The following ABCA9 variants were observed in gnomAD, a reference collection of about 807,000 sequenced individuals.
ABCA9 encodes the protein ATP-binding cassette sub-family A member 9.
ABCA9 carries 183 observed loss-of-function variants against 205.3 expected under a neutral mutation model. The observed-to-expected ratio is 0.89, with a 90% CI of 0.79 to 1.01. ABCA9 has a LOEUF of 1.01. Among genes scored for constraint, ABCA9 ranks in the 50% least tolerant of loss-of-function variants. ABCA9 has a pLI of 0.00. For missense variants in ABCA9, 1,805 were observed against 1,912.4 expected, an observed-to-expected ratio of 0.94 and a Z score of 1.05; for synonymous variants, 651 against 683.3, an observed-to-expected ratio of 0.95 and a Z score of 0.74.
chr17:69,070,763 G>A, the ABCA9 span, among the ~76,000 whole-genome samples: 4 of 152,120 alleles, frequency 2.6e-5, no homozygotes, highest in Non-Finnish European at 5.9e-5. Context: ...CCTGGAAAGG[G>A]GGCTGAAGCC....
At chr17:68,996,116 A>G (rs2069615648) in intron 25 of ABCA9, 102 bp from the exon 26 acceptor site, 3 of 1,255,700 alleles carry the variant, frequency 2.4e-6, no homozygotes, top group Non-Finnish European at 3.3e-6. Flanking sequence ...TGTTATTTTC[A>G]ATTTCACTCC....
In ABCA9 at chr17:68,975,049, TG is replaced by T. The variant is rs1428333676; in HGVS notation, c.*865del. 6.6e-6 allele frequency: 1 copy of T among 151,910 alleles called. No homozygotes were observed. The highest frequency in any genetic ancestry group is 1.5e-5 in the Non-Finnish European group (1 of 67,972). 9.4% of individuals were successfully genotyped at this position (151,910 alleles called of 1,614,324 possible). On this transcript the variant is annotated 3_prime_UTR_variant, in exon 39 of 39. Transcript: ENST00000340001. ...CCCCAGGGTGTGGTGTTCCCCTCCC[TG>T]TGTCCATGTATTCTCATTGTTCAAT...
In ABCA9 at chr17:69,007,800, C is replaced by G. The variant is rs1372459946; in HGVS notation, c.3394G>C (p.Gly1132Arg). 1.9e-6 allele frequency: 3 copies of G among 1,610,268 alleles called. No homozygotes were observed. The highest frequency in any genetic ancestry group is 2.5e-6 in the Non-Finnish European group (3 of 1,177,084). The change falls in exon 25 of 39, where the codon GGG becomes CGG. Residue 1132 changes from glycine to arginine, a missense_variant. Gly to Arg is a moderately radical substitution (Grantham distance 125, BLOSUM62 -2). Coordinates refer to ENST00000340001, the MANE Select transcript of ABCA9 (RefSeq NM_080283.4). Reference protein sequence around the residue: ...TYVISFIFRNGRKNSGIWSFF... With the variant: ...TYVISFIFRNRRKNSGIWSFF... ...GACCAAATGCCACTATTTTTTCTCC[C>G]ATTGCGAAAAATGAATGAAATCACA... is the stretch of plus-strand genomic sequence containing the variant.
chr17:69,016,170 T>A (rs550670854), intron 22 of ABCA9, 83 bp downstream of exon 22: 2 of 1,023,792 alleles, frequency 2.0e-6, no homozygotes. Flanking sequence ...TCACAAAAAG[T>A]AATATAACAT....
At chr17:69,028,874 A>C (rs905909652) in intron 11 of ABCA9, among the ~76,000 whole-genome samples, 1 of 152,248 alleles carries the variant, frequency 6.6e-6, no homozygotes, top group East Asian at 1.9e-4. Context: ...TTTGTCAATA[A>C]ATAGAGGCTA....
chr17:69,066,841 G>A, the ABCA9 span, among the ~76,000 whole-genome samples: 2 of 152,184 alleles, frequency 1.3e-5, no homozygotes. Flanking sequence ...GACATGTCAG[G>A]AACTCATAAG....
intron 22 of ABCA9, among the ~76,000 whole-genome samples, chr17:69,015,229 T>C (rs1187235225): frequency 6.6e-6 from 1 of 152,156 alleles, no homozygotes; most frequent in Non-Finnish European, 1.5e-5. Context: ...TCCATGCCCC[T>C]TAGGCCACAA....
At chr17:69,009,455 C>CT (rs775278475) in intron 23 of ABCA9, among the ~76,000 whole-genome samples, 88 of 152,210 alleles carry the variant, frequency 5.8e-4, no homozygotes, top group Admixed American at 2.0e-3. Context: ...GCCAGTGTGG[C>CT]TGGAGCATGG....
At chr17:68,985,879 C>T (rs571540482) in intron 32 of ABCA9, among the ~76,000 whole-genome samples, 4 of 152,004 alleles carry the variant, frequency 2.6e-5, no homozygotes, top group Admixed American at 6.6e-5. Flanking sequence ...ATCGCTTGAA[C>T]CCAAGAGGCG....
At chr17:69,054,526 C>CAA (rs751565245) in intron 1 of ABCA9, among the ~76,000 whole-genome samples, 2 of 77,396 alleles carry the variant, frequency 2.6e-5, no homozygotes, top group Admixed American at 1.5e-4. Context: ...GACCCTCTCT[C>CAA]AAAAAAAAAA....
chr17:69,006,451 G>A (rs1463162854), intron 25 of ABCA9, among the ~76,000 whole-genome samples: 1 of 152,210 alleles, frequency 6.6e-6, no homozygotes, highest in Non-Finnish European at 1.5e-5. Context: ...TTACAGCAAT[G>A]AAAAGGAATA....
intron 17 of ABCA9, chr17:69,022,246 T>C (rs1263533749): frequency 6.6e-6 from 1 of 152,180 alleles, no homozygotes; most frequent in Non-Finnish European, 1.5e-5. Context: ...TAGAGAATTA[T>C]AATAACAAAT....
chr17:69,046,574 A>G (rs1220519646), intron 3 of ABCA9, among the ~76,000 whole-genome samples: 1 of 152,062 alleles, frequency 6.6e-6, no homozygotes, highest in African/African-American at 2.4e-5. Context: ...CTACTAATAT[A>G]AAACATTTAT....
chr17:68,997,998 C>T (rs1032224918), intron 25 of ABCA9, among the ~76,000 whole-genome samples: 7 of 152,166 alleles, frequency 4.6e-5, no homozygotes, highest in Non-Finnish European at 8.8e-5. Context: ...TCCATAGTTT[C>T]GCCTTTTCCA....
chr17:69,034,725 G>C (rs1306191616), intron 8 of ABCA9: 1 of 152,148 alleles, frequency 6.6e-6, no homozygotes, highest in Non-Finnish European at 1.5e-5. Flanking sequence ...ACATGAAACA[G>C]TAAAATACTT....
chr17:69,012,174 G>A (rs2070404053), intron 22 of ABCA9, 91 bp from the exon 23 acceptor site: 2 of 859,982 alleles, frequency 2.3e-6, no homozygotes, highest in South Asian at 3.9e-5. Context: ...TAAATGAATT[G>A]AGCTGATCAC....
chr17:69,006,635 G>C (rs1034149558), intron 25 of ABCA9, among the ~76,000 whole-genome samples: 4 of 152,118 alleles, frequency 2.6e-5, no homozygotes, highest in African/African-American at 9.7e-5. Flanking sequence ...ACAAGGAGGA[G>C]GGAAATTGGA....
At position 69,008,347 on chromosome 17, in the gene ABCA9, A is replaced by T. The variant is rs1241444512; in HGVS notation, c.3148-112T>A. On this transcript the variant is annotated intron_variant, in intron 23 of 38. Transcript: ENST00000340001. ...TTTTGCTTCGCCTTTTAGAAATATT[A>T]TCCTGATTTAGCAAATGATACCACC... 19 of 987,940 alleles carry T rather than the reference A, an allele frequency of 1.9e-5. No homozygotes were observed. In the Admixed American group the frequency reaches 4.7e-4, roughly 24 times the overall value. 61.2% of individuals were successfully genotyped at this position (987,940 alleles called of 1,614,324 possible).
chr17:69,011,280 A>C (rs1462157195), intron 23 of ABCA9, among the ~76,000 whole-genome samples: 3 of 152,112 alleles, frequency 2.0e-5, no homozygotes, highest in South Asian at 2.1e-4. Flanking sequence ...AGTTTACCCC[A>C]AAAAAAGTGT....
Sources: gnomAD v4.1 joint callset for allele counts (sites outside exome capture counted in the v4.1 genomes callset) on GRCh38, gnomAD v4.1.1 for gene constraint, MANE v1.5 for transcripts, NCBI Gene and HGNC (gene_info 2026-07-23, HGNC 2026-07-21) for gene names.